Variants in ANK3 observed in about 807,000 individuals in gnomAD.
ANK3 encodes ankyrin-3.
In ANK3, 57 loss-of-function variants were observed where a neutral mutation model predicts 370.9. The observed-to-expected ratio is 0.15, with a 90% CI of 0.12 to 0.19. The LOEUF (loss-of-function observed/expected upper bound fraction) is 0.19. Ranked by LOEUF, ANK3 falls within the 10% of genes least tolerant of loss-of-function variation. The probability of loss-of-function intolerance (pLI) is 1.00; values close to 1 mark genes in which losing one functional copy is unlikely to be tolerated. For missense variants in ANK3, 4,439 were observed against 5,302.1 expected (o/e 0.84, Z 5.06); for synonymous variants, 1,929 against 1,946.3 (o/e 0.99, Z 0.23).
intron 2 of ANK3, among the ~76,000 whole-genome samples, chr10:60,452,410 C>T (rs1264550504): frequency 1.3e-5 from 2 of 152,292 alleles, no homozygotes; most frequent in East Asian, 3.9e-4. Context: ...AGAATGGCTG[C>T]TCCCACCTCA....
At chr10:60,132,621 A>ATT (rs2094141743) in intron 25 of ANK3, among the ~76,000 whole-genome samples, 1 of 140,758 alleles carries the variant, frequency 7.1e-6, no homozygotes, top group South Asian at 2.3e-4. Context: ...ACCTATAATC[A>ATT]ATTTTTTTTT....
At chr10:60,672,858 T>C (rs1428600587) in intron 1 of ANK3, among the ~76,000 whole-genome samples, 5 of 152,290 alleles carry the variant, frequency 3.3e-5, no homozygotes, top group African/African-American at 1.2e-4. Context: ...AGGCAAGCAG[T>C]GTCAGAATTT....
intron 7 of ANK3, among the ~76,000 whole-genome samples, chr10:60,254,592 T>C (rs1200782835): frequency 2.0e-5 from 3 of 152,236 alleles, no homozygotes; most frequent in Non-Finnish European, 4.4e-5. Flanking sequence ...CCAGTTAGCC[T>C]AGGCCTGTCT....
At chr10:60,060,047 G>T in intron 40 of ANK3, 1 of 1,457,690 alleles carries the variant, frequency 6.9e-7, no homozygotes, top group Non-Finnish European at 9.2e-7. Context: ...GAATGAATTA[G>T]AATACATCAA....
intron 16 of ANK3, among the ~76,000 whole-genome samples, chr10:60,195,353 C>T (rs1489798473): frequency 1.4e-5 from 2 of 145,166 alleles, no homozygotes; most frequent in Non-Finnish European, 3.0e-5. Flanking sequence ...CACTGCACTC[C>T]AGCCTGGGAG....
At chr10:60,030,333 G>A (rs867798727) in intron 43 of ANK3, among the ~76,000 whole-genome samples, 3 of 151,924 alleles carry the variant, frequency 2.0e-5, no homozygotes, top group Non-Finnish European at 2.9e-5. Flanking sequence ...TAGTAGAGAC[G>A]GGGTTTCACT....
intron 23 of ANK3, among the ~76,000 whole-genome samples, chr10:60,142,145 C>A (rs2094596847): frequency 6.6e-6 from 1 of 152,162 alleles, no homozygotes; most frequent in Non-Finnish European, 1.5e-5. Flanking sequence ...GACTTCTTGG[C>A]TATTTTTCCT....
chr10:60,519,625 A>G (rs1201743550), intron 2 of ANK3, among the ~76,000 whole-genome samples: 1 of 152,148 alleles, frequency 6.6e-6, no homozygotes, highest in Middle Eastern at 3.2e-3. Context: ...AACAAGCCTC[A>G]GCATTCATCC....
At chr10:60,383,141 T>C (rs2061777384) in intron 1 of ANK3, among the ~76,000 whole-genome samples, 1 of 152,072 alleles carries the variant, frequency 6.6e-6, no homozygotes. Context: ...GGTATTTCTG[T>C]GACCTGAGGC....
intron 2 of ANK3, among the ~76,000 whole-genome samples, chr10:60,459,222 T>C (rs1181483837): frequency 6.6e-6 from 1 of 152,150 alleles, no homozygotes; most frequent in African/African-American, 2.4e-5. Context: ...TTAAGTCTCT[T>C]GGTCTGAGGG....
At chr10:60,117,633 A>G (rs1253940504) in intron 25 of ANK3, among the ~76,000 whole-genome samples, 1 of 152,146 alleles carries the variant, frequency 6.6e-6, no homozygotes, top group Non-Finnish European at 1.5e-5. Context: ...CCTGGCCAAC[A>G]TGGTGAAACC....
intron 23 of ANK3, among the ~76,000 whole-genome samples, chr10:60,157,055 G>A (rs1204035709): frequency 5.4e-5 from 3 of 55,410 alleles, no homozygotes; most frequent in Admixed American, 1.7e-4. Context: ...TTTTTTTTTC[G>A]AGATAGAGTT....
intron 42 of ANK3, chr10:60,043,432 T>C (rs911059699): frequency 5.1e-6 from 5 of 984,518 alleles, no homozygotes; most frequent in Non-Finnish European, 6.0e-6. Flanking sequence ...TATTTTTAAA[T>C]TGAAAAGGGT....
intron 1 of ANK3, among the ~76,000 whole-genome samples, chr10:60,703,388 G>A (rs576097559): frequency 6.6e-6 from 1 of 152,196 alleles, no homozygotes; most frequent in Admixed American, 6.5e-5. Context: ...ACAGGAGAGA[G>A]GAAAGTAAGG....
chr10:60,152,306 G>C (rs953283209), intron 23 of ANK3, among the ~76,000 whole-genome samples: 2 of 152,136 alleles, frequency 1.3e-5, no homozygotes, highest in African/African-American at 4.8e-5. Flanking sequence ...ACACAATCAG[G>C]CCTGTTGATT....
At chr10:60,195,820 A>C (rs1340814754) in intron 16 of ANK3, among the ~76,000 whole-genome samples, 1 of 152,256 alleles carries the variant, frequency 6.6e-6, no homozygotes, top group African/African-American at 2.4e-5. Context: ...CACATGTTTC[A>C]TAATTCTGAC....
intron 16 of ANK3, among the ~76,000 whole-genome samples, chr10:60,189,859 T>C (rs1438190128): frequency 6.6e-6 from 1 of 152,242 alleles, no homozygotes; most frequent in Non-Finnish European, 1.5e-5. Flanking sequence ...ATATATAGCA[T>C]TTAAATCATA....
intron 2 of ANK3, among the ~76,000 whole-genome samples, chr10:60,422,964 T>C (rs1251057299): frequency 6.6e-6 from 1 of 152,046 alleles, no homozygotes; most frequent in East Asian, 1.9e-4. Context: ...ACTATTGACA[T>C]TTGGTGAAGG....
chr10:60,176,188 A>AC lies in ANK3; in HGVS notation c.2185-3003_2185-3002insG, dbSNP rs879337511. Among the ~76,000 whole-genome samples, 88 of 121,526 alleles carry AC rather than the reference A, an allele frequency of 7.2e-4. 1 individual carries two copies. Among genetic ancestry groups the AC allele is most frequent in the African/African-American group, 2.5e-3 (79 of 31,068 alleles). 79.7% of individuals were successfully genotyped at this position (121,526 alleles called of 152,430 possible). A position where few individuals can be genotyped will look rare whatever the true frequency, so the allele number is the denominator to read the frequency against. ...GTCTCTGCTAAAAATACAAAAAAAA[A>AC]AAAAAAACAAAAAAAAACAAAAAAC... On this transcript the variant is annotated intron_variant, in intron 18 of 43. Coordinates refer to ENST00000280772, the MANE Select transcript of ANK3 (RefSeq NM_020987.5).
Sources: allele counts gnomAD v4.1 joint callset (sites outside exome capture counted in the v4.1 genomes callset), GRCh38; gene constraint gnomAD v4.1.1; transcripts MANE v1.5; gene names NCBI Gene and HGNC (gene_info 2026-07-23, HGNC 2026-07-21).